Variants in CERS5 observed in about 807,000 individuals in gnomAD.
CERS5 encodes the protein ceramide synthase 5.
Under a neutral mutation model 58.9 loss-of-function variants are expected in CERS5, and 37 were observed. The ratio of observed to expected loss-of-function variants is 0.63; its 90% CI spans 0.48 to 0.83. The LOEUF is 0.83. Among genes scored for constraint, CERS5 ranks in the 40% least tolerant of loss-of-function variants. The pLI is 0.00. For missense variants in CERS5, 398 were observed against 489.3 expected (o/e 0.81, Z 1.76); for synonymous variants, 147 against 177.8 (o/e 0.83, Z 1.38).
chr12:50,139,044 T>C (rs1951833849), intron 4 of CERS5, among the ~76,000 whole-genome samples: 1 of 152,254 alleles, frequency 6.6e-6, no homozygotes, highest in African/African-American at 2.4e-5. Flanking sequence ...AAATTGTTCA[T>C]AATACTGTCT....
At chr12:50,143,286 A>G (rs555389285) in intron 2 of CERS5, 82 bp from the exon 3 acceptor site, 1 of 1,520,358 alleles carries the variant, frequency 6.6e-7, no homozygotes, top group Admixed American at 1.9e-5. Flanking sequence ...GCGACAAGGT[A>G]TGATAGCCAT....
intron 1 of CERS5, among the ~76,000 whole-genome samples, chr12:50,163,030 C>T (rs1305531424): frequency 1.3e-5 from 2 of 152,110 alleles, no homozygotes; most frequent in African/African-American, 4.8e-5. Flanking sequence ...TCCTGAGTAG[C>T]TGGGACTACA....
intron 9 of CERS5, among the ~76,000 whole-genome samples, chr12:50,131,578 G>GA (rs367907673): frequency 3.3e-4 from 41 of 125,246 alleles, no homozygotes; most frequent in East Asian, 7.5e-4. Flanking sequence ...AAAAAAAAAA[G>GA]AAAAAAAAAA....
chr12:50,155,736 CAAAAAA>C (rs146913126), intron 1 of CERS5, among the ~76,000 whole-genome samples: 1 of 21,478 alleles, frequency 4.7e-5, no homozygotes, highest in Non-Finnish European at 7.7e-5. Flanking sequence ...GACTCCATCT[CAAAAAA>C]AAAAAAAAAA....
chr12:50,131,018 C>T (rs1290137653), intron 9 of CERS5, among the ~76,000 whole-genome samples: 1 of 152,174 alleles, frequency 6.6e-6, no homozygotes, highest in African/African-American at 2.4e-5. Context: ...TCTCTTCTTC[C>T]ACTTCAAAGA....
At chr12:50,145,255 T>C (rs1354663603) in intron 1 of CERS5, among the ~76,000 whole-genome samples, 8 of 152,138 alleles carry the variant, frequency 5.3e-5, no homozygotes, top group Non-Finnish European at 1.2e-4. Context: ...TTGATTATAA[T>C]TAATTTCCAA....
chr12:50,144,806 T>C, intron 1 of CERS5: 5 of 1,527,922 alleles, frequency 3.3e-6, no homozygotes, highest in Non-Finnish European at 3.5e-6. Context: ...AAGAAGAGGT[T>C]ATATCAAGCA....
At chr12:50,143,420 C>T (rs1952087522) in intron 2 of CERS5, 1 of 456,108 alleles carries the variant, frequency 2.2e-6, no homozygotes, top group Non-Finnish European at 3.8e-6. Flanking sequence ...TCTCTTCCTC[C>T]AGCCCAAGCT....
At chr12:50,153,573 T>C (rs903360932) in intron 1 of CERS5, among the ~76,000 whole-genome samples, 4 of 152,066 alleles carry the variant, frequency 2.6e-5, no homozygotes, top group Non-Finnish European at 5.9e-5. Context: ...TTTAAAATAT[T>C]GTATAATGTC....
At chr12:50,136,232 G>A (rs1047094483) in intron 6 of CERS5, among the ~76,000 whole-genome samples, 163 bp from the exon 7 acceptor site, 1 of 152,178 alleles carries the variant, frequency 6.6e-6, no homozygotes, top group Non-Finnish European at 1.5e-5. Context: ...CAGCACTTTG[G>A]GAGGGCAAGG....
chr12:50,137,051 A>T (rs1951731120), intron 6 of CERS5, among the ~76,000 whole-genome samples: 1 of 152,158 alleles, frequency 6.6e-6, no homozygotes, highest in Non-Finnish European at 1.5e-5. Context: ...CATTCCCATA[A>T]ATGCTAACCC....
chr12:50,164,206 TG>T (rs1344117504), intron 1 of CERS5, among the ~76,000 whole-genome samples: 6 of 147,192 alleles, frequency 4.1e-5, no homozygotes, highest in Admixed American at 1.3e-4. Context: ...GTGATCTCCC[TG>T]CCTCGGCCTC....
intron 1 of CERS5, among the ~76,000 whole-genome samples, chr12:50,156,434 AT>A (rs1938647512): frequency 1.5e-5 from 2 of 132,912 alleles, no homozygotes; most frequent in South Asian, 2.3e-4. Context: ...ATATATATAT[AT>A]ATAAAACAAT....
At chr12:50,143,621 C>T (rs2138098658) in intron 2 of CERS5, 1 of 293,770 alleles carries the variant, frequency 3.4e-6, no homozygotes, top group East Asian at 6.9e-5. Context: ...GCTATCAGTA[C>T]TGTCTCCATC....
At chr12:50,144,767 A>G in intron 1 of CERS5, 1 of 1,513,852 alleles carries the variant, frequency 6.6e-7, no homozygotes, top group Non-Finnish European at 8.9e-7. Flanking sequence ...AAAATCACTT[A>G]CCTCTTGGGT....
At chr12:50,144,324 T>A in intron 1 of CERS5, 1 of 356,250 alleles carries the variant, frequency 2.8e-6, no homozygotes, top group South Asian at 4.6e-5. Context: ...TTTTTAGAGA[T>A]GCATAATCTT....
chr12:50,139,266 G>A (rs1186837711), intron 4 of CERS5, among the ~76,000 whole-genome samples: 1 of 152,036 alleles, frequency 6.6e-6, no homozygotes, highest in Non-Finnish European at 1.5e-5. Context: ...GATTGCTTGA[G>A]CCCAGGAGTT....
chr12:50,158,060 CAA>C (rs11388385), intron 1 of CERS5, among the ~76,000 whole-genome samples: 3,350 of 81,302 alleles, frequency 0.041, 62 homozygotes, highest in African/African-American at 0.088. Context: ...AGACCATGAC[CAA>C]AAAAAAAAAA....
rs746355090 is a variant in CERS5, at chr12:50,143,912, C to A, written c.303+40G>T. On this transcript the variant is annotated intron_variant, in intron 2 of 9. Transcript: ENST00000317551. ...TCCTCCCCTGCCCCATGGAGCAACG[C>A]CTTATGTGAATATTCCTCTCTGTTT... is the stretch of plus-strand genomic sequence containing the variant. The A allele has an allele frequency of 6.4e-6, 8 of 1,243,312 alleles. No individual in the cohort carries two copies. The African/African-American group carries it at 1.2e-4, about 18-fold the overall frequency. 77.0% of individuals were successfully genotyped at this position (1,243,312 alleles called of 1,614,324 possible).
Sources: allele counts gnomAD v4.1 joint callset (sites outside exome capture counted in the v4.1 genomes callset), GRCh38; gene constraint gnomAD v4.1.1; transcripts MANE v1.5; gene names NCBI Gene and HGNC (gene_info 2026-07-23, HGNC 2026-07-21).